Variants in SPMAP2L observed in about 807,000 individuals in gnomAD.
SPMAP2L encodes sperm microtubule associated protein 2 like.
At chr4:56,540,792 G>A in the SPMAP2L span, among the ~76,000 whole-genome samples, 1 of 152,162 alleles carries the variant, frequency 6.6e-6, no homozygotes, top group African/African-American at 2.4e-5. Flanking sequence ...GAGTGGGCTG[G>A]GGAACATTTT....
chr4:56,558,196 G>C, the SPMAP2L span, among the ~76,000 whole-genome samples: 146 of 152,202 alleles, frequency 9.6e-4, 1 homozygote, highest in African/African-American at 2.8e-3. Flanking sequence ...TGGAACTCCT[G>C]ATCGCAGGTG....
the SPMAP2L span, among the ~76,000 whole-genome samples, chr4:56,554,626 C>T: frequency 5.3e-5 from 8 of 152,236 alleles, no homozygotes; most frequent in African/African-American, 1.9e-4. Context: ...TTTTCATTCT[C>T]TTAGCAGTGT....
the SPMAP2L span, among the ~76,000 whole-genome samples, chr4:56,533,754 CT>C: frequency 6.7e-6 from 1 of 149,494 alleles, no homozygotes; most frequent in East Asian, 2.0e-4. Context: ...CAAAATCAGC[CT>C]GAGCAACATA....
the SPMAP2L span, among the ~76,000 whole-genome samples, chr4:56,563,837 T>A: frequency 4.6e-5 from 7 of 152,152 alleles, no homozygotes; most frequent in African/African-American, 1.7e-4. Context: ...GTGAGGGATA[T>A]CGATTTGTAG....
At chr4:56,618,630 T>A in the SPMAP2L span, among the ~76,000 whole-genome samples, 9,982 of 152,140 alleles carry the variant, frequency 0.066, 822 homozygotes, top group African/African-American at 0.19. Context: ...GCATGAAGGT[T>A]ACCGCCCCCA....
the SPMAP2L span, among the ~76,000 whole-genome samples, chr4:56,608,804 G>C: frequency 1.3e-5 from 2 of 152,166 alleles, no homozygotes; most frequent in Admixed American, 1.3e-4. Flanking sequence ...TCCAAACCCT[G>C]CTGACCATGG....
chr4:56,601,455 C>A, the SPMAP2L span, among the ~76,000 whole-genome samples: 8 of 151,944 alleles, frequency 5.3e-5, no homozygotes, highest in Admixed American at 1.3e-4. Context: ...CCTGTCTCTA[C>A]AAAAAATTCT....
chr4:56,587,483 C>T, the SPMAP2L span, among the ~76,000 whole-genome samples: 1 of 147,914 alleles, frequency 6.8e-6, no homozygotes, highest in Non-Finnish European at 1.5e-5. Context: ...ACTCTTCCCC[C>T]CCAAGTCCTC....
chr4:56,597,265 G>A, the SPMAP2L span, among the ~76,000 whole-genome samples: 1 of 152,170 alleles, frequency 6.6e-6, no homozygotes, highest in Admixed American at 6.5e-5. Context: ...GGAGCAAGGT[G>A]AGCTAGAGAA....
the SPMAP2L span, among the ~76,000 whole-genome samples, chr4:56,622,277 A>G: frequency 1.3e-5 from 2 of 152,386 alleles, no homozygotes; most frequent in African/African-American, 4.8e-5. Context: ...ACATGCTTGA[A>G]GTTTATTTTG....
At chr4:56,557,257 CAAA>C in the SPMAP2L span, among the ~76,000 whole-genome samples, 8 of 126,978 alleles carry the variant, frequency 6.3e-5, no homozygotes, top group Non-Finnish European at 8.4e-5. Flanking sequence ...GACTCTGTCT[CAAA>C]AAAAAAAAAA....
the SPMAP2L span, among the ~76,000 whole-genome samples, chr4:56,589,319 T>C: frequency 5.8e-3 from 886 of 152,314 alleles, 7 homozygotes; most frequent in Non-Finnish European, 9.5e-3. Flanking sequence ...AGCACCGTAC[T>C]GTTTTGGTGA....
At chr4:56,622,493 A>G in the SPMAP2L span, among the ~76,000 whole-genome samples, 1 of 152,254 alleles carries the variant, frequency 6.6e-6, no homozygotes, top group Non-Finnish European at 1.5e-5. Context: ...TAAACACTGT[A>G]TCTTAGCAAT....
the SPMAP2L span, among the ~76,000 whole-genome samples, chr4:56,625,736 C>T: frequency 2.0e-5 from 3 of 152,166 alleles, no homozygotes; most frequent in East Asian, 1.9e-4. Flanking sequence ...AAATGTAAGT[C>T]AAATTAAACC....
chr4:56,592,096 G>A, the SPMAP2L span, among the ~76,000 whole-genome samples: 1,130 of 152,298 alleles, frequency 7.4e-3, 16 homozygotes, highest in African/African-American at 0.026. Flanking sequence ...TCCACCTCCC[G>A]TCAGATCAGC....
At chr4:56,596,058 A>AT in the SPMAP2L span, among the ~76,000 whole-genome samples, 4 of 152,154 alleles carry the variant, frequency 2.6e-5, no homozygotes, top group African/African-American at 9.7e-5. Context: ...CTTAATAGAC[A>AT]TTTTTTTGTT....
At chr4:56,594,360 T>C in the SPMAP2L span, 1 of 1,546,376 alleles carries the variant, frequency 6.5e-7, no homozygotes. Flanking sequence ...TCGTCTGAAC[T>C]CGCACCTATC....
At chr4:56,537,084 T>A in the SPMAP2L span, among the ~76,000 whole-genome samples, 3 of 152,036 alleles carry the variant, frequency 2.0e-5, no homozygotes, top group Non-Finnish European at 2.9e-5. Context: ...TATTATTATC[T>A]CATTAAACCT....
chr4:56,623,552 C>A, the SPMAP2L span, among the ~76,000 whole-genome samples: 2 of 152,214 alleles, frequency 1.3e-5, no homozygotes, highest in Non-Finnish European at 2.9e-5. Flanking sequence ...TGTGTCCCCA[C>A]TCAAATCTCA....
Sources: gnomAD v4.1 joint callset for allele counts (sites outside exome capture counted in the v4.1 genomes callset) on GRCh38, gnomAD v4.1.1 for gene constraint, MANE v1.5 for transcripts, NCBI Gene and HGNC (gene_info 2026-07-23, HGNC 2026-07-21) for gene names.